LIPM: variants seen among roughly 807,000 people sequenced by gnomAD.
LIPM encodes the protein lipase member M.
In LIPM, 42 loss-of-function variants were observed where a neutral mutation model predicts 42.4. The ratio of observed to expected loss-of-function variants is 0.99; its 90% CI spans 0.77 to 1.28. The LOEUF (loss-of-function observed/expected upper bound fraction) is 1.28, where lower values mean the gene tolerates loss of function less well. LIPM is among the 50% of genes most tolerant of loss of function. LIPM has a pLI of 0.00. For missense variants in LIPM, 524 were observed against 520.1 expected, an observed-to-expected ratio of 1.01 and a Z score of -0.07; for synonymous variants, 177 against 173.3, an observed-to-expected ratio of 1.02 and a Z score of -0.17.
chr10:88,814,892 A>C (rs997011848), intron 4 of LIPM, among the ~76,000 whole-genome samples, 196 bp from the exon 5 acceptor site: 1 of 152,186 alleles, frequency 6.6e-6, no homozygotes, highest in South Asian at 2.1e-4. Context: ...GTGTTATTCA[A>C]TTATTTATTT....
intron 1 of LIPM, 44 bp downstream of exon 1, chr10:88,803,087 G>A (rs893044631): frequency 9.7e-5 from 148 of 1,519,002 alleles, no homozygotes; most frequent in Non-Finnish European, 1.2e-4. Flanking sequence ...ACATGTTAAC[G>A]TTTGTATCTG....
In LIPM at chr10:88,820,253, G is replaced by A. The variant is rs1173207837; in HGVS notation, c.1024G>A (p.Val342Ile). The A allele has an allele frequency of 4.5e-6, 7 of 1,551,558 alleles. No homozygotes were observed. In the East Asian group the frequency reaches 7.3e-5, roughly 16 times the overall value. Residue 342 changes from valine (V) to isoleucine (I), a missense_variant, in exon 9 of 9, where the codon GTC (valine) becomes ATC (isoleucine). Transcript: ENST00000404743. The part of the protein sequence containing the change: ...CNQPTPVRYR[V>I]RDMTVPTAMW... ...CTAGCCAACTCCTGTAAGGTACAGA[G>A]TCAGAGATATGACGGTCCCTACAGC...
intron 2 of LIPM, among the ~76,000 whole-genome samples, 162 bp downstream of exon 2, chr10:88,808,577 A>C (rs1362983449): frequency 6.6e-6 from 1 of 152,096 alleles, no homozygotes; most frequent in African/African-American, 2.4e-5. Flanking sequence ...CATCACCACC[A>C]CCGTGTCCGT....
At chr10:88,816,535 A>G (rs560402395) in intron 6 of LIPM, among the ~76,000 whole-genome samples, 2 of 152,156 alleles carry the variant, frequency 1.3e-5, no homozygotes, top group Non-Finnish European at 2.9e-5. Context: ...TACAGGCCCA[A>G]TGCTAGAGCC....
Position 88,814,590 on chromosome 10 carries a change from G to A in LIPM, c.525G>A (p.Thr175=), listed in dbSNP as rs200508607. The A allele has an allele frequency of 1.8e-3, 2,730 of 1,551,688 alleles. 3 individuals are homozygous for A. Among genetic ancestry groups the A allele is most frequent in the Admixed American group, 2.4e-3 (123 of 50,958 alleles). Residue 175 remains threonine (T), a synonymous_variant, in exon 4 of 9, where the codon ACG becomes ACA. Coordinates refer to ENST00000404743, the MANE Select transcript of LIPM (RefSeq NM_001128215.1). Reference sequence around the variant, plus strand: ...TGATAAACTTTATTTTGCAGAAAACGGGCCAGGAAAAGATCTATTATGTCG... The same window carrying A: ...TGATAAACTTTATTTTGCAGAAAACAGGCCAGGAAAAGATCTATTATGTCG... ...PAVINFILQK[T]GQEKIYYVGY... is the part of the protein sequence containing the mutation.
intron 8 of LIPM, among the ~76,000 whole-genome samples, chr10:88,818,309 T>C (rs1273748633): frequency 6.6e-6 from 1 of 152,230 alleles, no homozygotes; most frequent in Non-Finnish European, 1.5e-5. Flanking sequence ...TGTGTAAGTT[T>C]TGCCTCTGCA....
Position 88,814,604 on chromosome 10 carries a change from T to C in LIPM, c.539T>C (p.Ile180Thr), listed in dbSNP as rs1196632026. ...TTGCAGAAAACGGGCCAGGAAAAGA[T>C]CTATTATGTCGGCTATTCACAGGGC... ...FILQKTGQEK[I>T]YYVGYSQGTT... Residue 180 changes from isoleucine (I) to threonine (T), a missense_variant, in exon 4 of 9, where the codon ATC (isoleucine) becomes ACC (threonine). Ile to Thr is a moderately conservative substitution (Grantham distance 89). Transcript: ENST00000404743. 1.3e-6 allele frequency: 2 copies of C among 1,551,860 alleles called. No homozygotes were observed. The highest frequency in any genetic ancestry group is 1.7e-6 in the Non-Finnish European group (2 of 1,146,978).
intron 2 of LIPM, among the ~76,000 whole-genome samples, chr10:88,809,836 A>G (rs1843632914): frequency 6.6e-6 from 1 of 151,944 alleles, no homozygotes; most frequent in African/African-American, 2.4e-5. Flanking sequence ...TCTAGCGTGC[A>G]CCTGCCTTAG....
At chr10:88,816,688 A>G (rs1473425401) in intron 6 of LIPM, 128 bp from the exon 7 acceptor site, 4 of 629,880 alleles carry the variant, frequency 6.4e-6, no homozygotes, top group Non-Finnish European at 1.2e-5. Flanking sequence ...TTTTTGTTTC[A>G]TAGATAATTG....
intron 6 of LIPM, among the ~76,000 whole-genome samples, chr10:88,815,776 C>A (rs1156731825): frequency 6.6e-6 from 1 of 152,186 alleles, no homozygotes; most frequent in Non-Finnish European, 1.5e-5. Flanking sequence ...TTAAAAAGAG[C>A]AATTAGCACA....
At chr10:88,819,599 C>T (rs916692847) in intron 8 of LIPM, among the ~76,000 whole-genome samples, 9 of 152,160 alleles carry the variant, frequency 5.9e-5, no homozygotes, top group East Asian at 5.8e-4. Context: ...TGCATAAATA[C>T]GGAAAGTTCC....
At position 88,813,224 on chromosome 10, in the gene LIPM, C is replaced by G. The variant is rs746925302; in HGVS notation, c.393C>G (p.Asn131Lys). The part of the protein sequence containing the change: ...ADAGFDVWMG[N>K]SRGNAWSRKH... ...CTGGTTTTGACGTGTGGATGGGGAACAGCAGGGGAAACGCCTGGTCTCGAA... is the reference window on the plus strand; with the variant it reads ...CTGGTTTTGACGTGTGGATGGGGAAGAGCAGGGGAAACGCCTGGTCTCGAA... The change falls in exon 3 of 9, where the codon AAC becomes AAG. Residue 131 changes from asparagine to lysine, a missense_variant. Transcript: ENST00000404743. 1 of 1,613,670 alleles carries G rather than the reference C, an allele frequency of 6.2e-7. No homozygotes were observed. Among genetic ancestry groups the G allele is most frequent in the Non-Finnish European group, 8.5e-7 (1 of 1,179,794 alleles).
At chr10:88,813,397 G>A (rs1184999498) in intron 3 of LIPM, 102 bp downstream of exon 3, 2 of 936,382 alleles carry the variant, frequency 2.1e-6, no homozygotes, top group Non-Finnish European at 3.1e-6. Flanking sequence ...TTTTGGTTGA[G>A]TCATCATTAT....
In LIPM at chr10:88,815,665, A is replaced by G. The variant is rs1282835947; in HGVS notation, c.858+162A>G. Reference sequence around the variant, plus strand: ...TGTAAGGAAATAAGGGAAATGCTTCAGTATGGACTGAAACAAGGTTAACAT... The same window carrying G: ...TGTAAGGAAATAAGGGAAATGCTTCGGTATGGACTGAAACAAGGTTAACAT... On this transcript the variant is annotated intron_variant, in intron 6 of 8. Coordinates refer to ENST00000404743, the MANE Select transcript of LIPM (RefSeq NM_001128215.1). Among the ~76,000 whole-genome samples, 4 of 152,248 alleles carry G rather than the reference A, an allele frequency of 2.6e-5. No homozygotes were observed. The East Asian group carries it at 5.8e-4, about 22-fold the overall frequency.
intron 4 of LIPM, 101 bp from the exon 5 acceptor site, chr10:88,814,987 C>T (rs1347869028): frequency 3.8e-6 from 4 of 1,051,888 alleles, no homozygotes; most frequent in Non-Finnish European, 5.3e-6. Flanking sequence ...AAGATGCAGT[C>T]ACATATATAC....
intron 1 of LIPM, among the ~76,000 whole-genome samples, chr10:88,807,225 C>T (rs1006750013): frequency 1.3e-5 from 2 of 152,170 alleles, no homozygotes; most frequent in African/African-American, 4.8e-5. Flanking sequence ...TTTACAGATG[C>T]ATGAACTGAA....
intron 2 of LIPM, among the ~76,000 whole-genome samples, chr10:88,811,178 A>G (rs1487313958): frequency 1.3e-5 from 2 of 150,380 alleles, no homozygotes; most frequent in African/African-American, 5.0e-5. Flanking sequence ...TAGCAATAAC[A>G]ACAAGAGCTA....
At chr10:88,817,704 C>A in intron 7 of LIPM, 121 bp from the exon 8 acceptor site, 2 of 629,858 alleles carry the variant, frequency 3.2e-6, no homozygotes, top group Non-Finnish European at 5.7e-6. Context: ...AATGGAAGAG[C>A]AGCTCAACCA....
At chr10:88,810,150 A>T (rs1843636550) in intron 2 of LIPM, among the ~76,000 whole-genome samples, 1 of 152,222 alleles carries the variant, frequency 6.6e-6, no homozygotes, top group Non-Finnish European at 1.5e-5. Flanking sequence ...TAGAACCAGT[A>T]ACTAAATGAG....
Sources: gnomAD v4.1 joint callset for allele counts (sites outside exome capture counted in the v4.1 genomes callset) on GRCh38, gnomAD v4.1.1 for gene constraint, MANE v1.5 for transcripts, NCBI Gene and HGNC (gene_info 2026-07-23, HGNC 2026-07-21) for gene names.